ASTN1: variants seen among roughly 807,000 people sequenced by gnomAD.
ASTN1 encodes the protein astrotactin 1.
Under a neutral mutation model 140.7 loss-of-function variants are expected in ASTN1, and 41 were observed. The ratio of observed to expected loss-of-function variants is 0.29; its 90% CI spans 0.23 to 0.38. ASTN1 has a LOEUF of 0.38. Ranked by LOEUF, ASTN1 falls within the 10% of genes least tolerant of loss-of-function variation. ASTN1 has a pLI of 1.00. For synonymous variants in ASTN1, 640 were observed against 652.2 expected (o/e 0.98, Z 0.29); for missense variants, 1,479 against 1,678.8 (o/e 0.88, Z 2.08).
At chr1:176,996,289 T>A (rs553241) in intron 8 of ASTN1, among the ~76,000 whole-genome samples, 63,182 of 128,594 alleles carry the variant, frequency 0.49, 15,051 homozygotes, top group Non-Finnish European at 0.55. Flanking sequence ...TCTCTCTCTC[T>A]CACACACACA....
chr1:176,943,602 C>T (rs1486708398), intron 14 of ASTN1, among the ~76,000 whole-genome samples: 1 of 152,088 alleles, frequency 6.6e-6, no homozygotes, highest in Admixed American at 6.6e-5. Context: ...TCCTCTAATC[C>T]CCCAAGAACT....
intron 1 of ASTN1, among the ~76,000 whole-genome samples, chr1:177,163,176 A>G (rs1647488431): frequency 6.6e-6 from 1 of 152,156 alleles, no homozygotes; most frequent in African/African-American, 2.4e-5. Flanking sequence ...GTTTCTGCAA[A>G]TGGAACTGTA....
intron 16 of ASTN1, among the ~76,000 whole-genome samples, chr1:176,897,692 T>A (rs1669580104): frequency 1.3e-5 from 2 of 152,020 alleles, no homozygotes; most frequent in South Asian, 4.1e-4. Context: ...GAATAAAAAA[T>A]TAGAGACTAA....
chr1:176,867,117 G>C (rs896497631), intron 22 of ASTN1, among the ~76,000 whole-genome samples: 1 of 152,158 alleles, frequency 6.6e-6, no homozygotes, highest in Non-Finnish European at 1.5e-5. Flanking sequence ...TTCTTCCCCT[G>C]CTCACTTTCT....
At chr1:177,066,859 G>A (rs1237755039) in intron 1 of ASTN1, among the ~76,000 whole-genome samples, 1 of 152,166 alleles carries the variant, frequency 6.6e-6, no homozygotes, top group Non-Finnish European at 1.5e-5. Flanking sequence ...CTGAGTGCAA[G>A]CTGAATCCAG....
At chr1:176,990,616 C>T (rs1035503747) in intron 8 of ASTN1, among the ~76,000 whole-genome samples, 2 of 152,186 alleles carry the variant, frequency 1.3e-5, no homozygotes, top group East Asian at 1.9e-4. Context: ...GTAAGTAACA[C>T]AGTAGAAGAT....
In ASTN1 at chr1:176,953,715, G is replaced by A. The variant is rs897015416; in HGVS notation, c.1887+3963C>T. On this transcript the variant is annotated intron_variant, in intron 11 of 22. Coordinates refer to ENST00000361833, the MANE Select transcript of ASTN1 (RefSeq NM_004319.3). ...AAACCATTGTAGATAGCATGTGGAGGGAAGGGCGGCAGGGTCACTGGGTAA... is the reference window on the plus strand; with the variant it reads ...AAACCATTGTAGATAGCATGTGGAGAGAAGGGCGGCAGGGTCACTGGGTAA... Among the ~76,000 whole-genome samples, 3 of 152,180 alleles carry A rather than the reference G, an allele frequency of 2.0e-5. No individual in the cohort carries two copies. In the East Asian group the frequency reaches 5.8e-4, roughly 29 times the overall value.
Position 176,884,334 on chromosome 1 carries a change from C to A in ASTN1, c.3226+5G>T, listed in dbSNP as rs997020667. 5.6e-6 allele frequency: 9 copies of A among 1,612,552 alleles called. No homozygotes were observed. The highest frequency in any genetic ancestry group is 1.1e-5 in the South Asian group (1 of 91,048). On this transcript the variant is annotated splice_donor_5th_base_variant and intron_variant, in intron 19 of 22. Coordinates refer to ENST00000361833, the MANE Select transcript of ASTN1 (RefSeq NM_004319.3). ...AGACAAGCCCATGAAGTAGAAGGTGCTCACCTGTCTCCACTTTGGAGTGGT... is the reference window on the plus strand; with the variant it reads ...AGACAAGCCCATGAAGTAGAAGGTGATCACCTGTCTCCACTTTGGAGTGGT...
rs565073860 is a variant in ASTN1 at position 177,045,739 on chromosome 1, A to AT, written c.472-12891dup. On this transcript the variant is annotated intron_variant, in intron 2 of 22. Transcript: ENST00000361833. ...GCTGAAGGCTCACTTACAGTGACAG[A>AT]TTTTTTTTCTAGTAAAATAAACTAA... 1.1e-4 allele frequency among the ~76,000 whole-genome samples: 16 copies of AT among 152,174 alleles called. No homozygotes were observed. The South Asian group carries it at 2.9e-3, about 28-fold the overall frequency.
chr1:177,092,798 A>G (rs1214684799), intron 1 of ASTN1, among the ~76,000 whole-genome samples: 2 of 152,226 alleles, frequency 1.3e-5, no homozygotes, highest in Non-Finnish European at 2.9e-5. Context: ...CACTCTTGCC[A>G]AAAATGAATT....
Position 177,036,036 on chromosome 1 carries a change from C to CTT in ASTN1, c.472-3189_472-3188dup, listed in dbSNP as rs869200407. 1.1e-3 allele frequency among the ~76,000 whole-genome samples: 85 copies of CTT among 78,800 alleles called. 8 individuals are homozygous for CTT. The highest frequency in any genetic ancestry group is 2.5e-3 in the African/African-American group (46 of 18,136). The allele number at this position is 78,800 out of a possible 152,430, so 51.7% of individuals were successfully genotyped here. Reference sequence around the variant, plus strand: ...CTCTGGATGGGATGACCTCAGCTTTCTTTTTTTTTTTTTTTTTTTTTTTTT... The same window carrying CTT: ...CTCTGGATGGGATGACCTCAGCTTTCTTTTTTTTTTTTTTTTTTTTTTTTTTT... On this transcript the variant is annotated intron_variant, in intron 2 of 22. Coordinates refer to ENST00000361833, the MANE Select transcript of ASTN1 (RefSeq NM_004319.3).
chr1:177,028,815 G>T (rs1229045601), intron 5 of ASTN1, among the ~76,000 whole-genome samples: 3 of 152,178 alleles, frequency 2.0e-5, no homozygotes, highest in Non-Finnish European at 4.4e-5. Context: ...TACGCACAAG[G>T]TATTGTTAAC....
At chr1:176,941,157 C>T (rs1055887479) in intron 14 of ASTN1, among the ~76,000 whole-genome samples, 3 of 152,134 alleles carry the variant, frequency 2.0e-5, no homozygotes, top group African/African-American at 7.2e-5. Flanking sequence ...ATATAAGATT[C>T]CCTATGTAAG....
intron 7 of ASTN1, among the ~76,000 whole-genome samples, chr1:177,016,731 C>A (rs1040873567): frequency 1.3e-5 from 2 of 152,180 alleles, no homozygotes; most frequent in African/African-American, 2.4e-5. Flanking sequence ...AGGTCTTTGA[C>A]AAATACTGTG....
chr1:177,143,730 G>C (rs1365867462), intron 1 of ASTN1, among the ~76,000 whole-genome samples: 1 of 151,788 alleles, frequency 6.6e-6, no homozygotes, highest in Non-Finnish European at 1.5e-5. Context: ...GAAATCATAG[G>C]TTTCATATGC....
At chr1:176,941,437 G>A (rs759359111) in intron 14 of ASTN1, among the ~76,000 whole-genome samples, 1 of 152,194 alleles carries the variant, frequency 6.6e-6, no homozygotes, top group Non-Finnish European at 1.5e-5. Flanking sequence ...GTCATCTGAA[G>A]CTTAAATTTG....
intron 1 of ASTN1, among the ~76,000 whole-genome samples, chr1:177,073,725 G>T (rs1056995449): frequency 6.0e-5 from 9 of 150,946 alleles, no homozygotes; most frequent in African/African-American, 2.2e-4. Context: ...AACAGGGAGG[G>T]TTCTAATATC....
At position 176,864,385 on chromosome 1, in the gene ASTN1, C is replaced by G. The variant is rs776870949; in HGVS notation, c.3784G>C (p.Gly1262Arg). ...CGGCTGAGCTCCGCCCAGTCAAGTC[C>G]GTAGGGTTTGATCTCGCTGTAGCGG... Reference protein sequence around the residue: ...GCRYSEIKPYGLDWAELSRDL... With the variant: ...GCRYSEIKPYRLDWAELSRDL... The change falls in exon 23 of 23, where the codon GGA becomes CGA. Residue 1262 changes from glycine (G) to arginine (R), a missense_variant. Physicochemically the swap from Gly to Arg is moderately radical, Grantham distance 125 (BLOSUM62 -2). This residue lies in a region of ASTN1 where 746 missense variants were observed against 800.9 expected (regional missense o/e 0.93). Coordinates refer to ENST00000361833, the MANE Select transcript of ASTN1 (RefSeq NM_004319.3). 6.2e-7 allele frequency: 1 copy of G among 1,613,966 alleles called. No homozygotes were observed. The highest frequency in any genetic ancestry group is 1.1e-5 in the South Asian group (1 of 91,080).
intron 8 of ASTN1, among the ~76,000 whole-genome samples, chr1:177,008,755 AAG>A (rs1675136018): frequency 6.6e-6 from 1 of 152,166 alleles, no homozygotes; most frequent in Non-Finnish European, 1.5e-5. Flanking sequence ...GAAGAATTAA[AAG>A]AGAGCTAATG....
Sources: gnomAD v4.1 joint callset for allele counts (sites outside exome capture counted in the v4.1 genomes callset) on GRCh38, gnomAD v4.1.1 for gene constraint, gnomAD v4.1.1 regional missense constraint, MANE v1.5 for transcripts, NCBI Gene and HGNC (gene_info 2026-07-23, HGNC 2026-07-21) for gene names.